Variants in NFX1 observed in about 807,000 individuals in gnomAD.
The protein encoded by NFX1 is transcriptional repressor NF-X1.
Under a neutral mutation model 137.2 loss-of-function variants are expected in NFX1, and 69 were observed. That is an observed-to-expected ratio of 0.50 (90% CI 0.41 to 0.61). NFX1 has a LOEUF of 0.61. Among genes scored for constraint, NFX1 ranks in the 20% least tolerant of loss-of-function variants. The probability of loss-of-function intolerance (pLI) is 0.00; values close to 1 mark genes in which losing one functional copy is unlikely to be tolerated. For synonymous variants in NFX1, 495 were observed against 474.1 expected, an observed-to-expected ratio of 1.04 and a Z score of -0.57; for missense variants, 1,167 against 1,391.0, an observed-to-expected ratio of 0.84 and a Z score of 2.56.
intron 7 of NFX1, among the ~76,000 whole-genome samples, chr9:33,317,973 CAA>C (rs5897542): frequency 2.3e-5 from 1 of 44,382 alleles, no homozygotes; most frequent in Non-Finnish European, 3.5e-5. Flanking sequence ...GACTCTGTCT[CAA>C]AAAAAAAAAA....
intron 12 of NFX1, 97 bp downstream of exon 12, chr9:33,338,686 G>A (rs957708103): frequency 9.3e-7 from 1 of 1,078,224 alleles, no homozygotes; most frequent in African/African-American, 1.6e-5. Context: ...GGATTTAAAA[G>A]TCACTGGGAC....
rs201191593 is a variant in NFX1 at position 33,313,665 on chromosome 9, G to T, written c.1460G>T (p.Arg487Leu). The T allele has an allele frequency of 6.2e-6, 10 of 1,613,878 alleles. No homozygotes were observed. Among genetic ancestry groups the T allele is most frequent in the East Asian group, 4.5e-5 (2 of 44,882 alleles). ...TATTGTCTTTACAGGCACACAGTTC[G>T]CTGTGGTCAGGCTGTCTCAGTCCAC... ...CECGRTRHTVRCGQAVSVHCS... is the reference protein window; with the variant it reads ...CECGRTRHTVLCGQAVSVHCS... Residue 487 changes from arginine to leucine, a missense_variant, in exon 7 of 24, where the codon CGC becomes CTC. Arg to Leu is a moderately radical substitution (Grantham distance 102, BLOSUM62 -2). Transcript: ENST00000379540.
At chr9:33,308,042 C>CA (rs1409726593) in intron 5 of NFX1, among the ~76,000 whole-genome samples, 2 of 152,148 alleles carry the variant, frequency 1.3e-5, no homozygotes, top group East Asian at 3.9e-4. Flanking sequence ...TGGGCTCAAG[C>CA]AATCTGCTCT....
chr9:33,319,527 G>A (rs1822303656), intron 9 of NFX1, among the ~76,000 whole-genome samples: 3 of 152,024 alleles, frequency 2.0e-5, no homozygotes, highest in African/African-American at 7.2e-5. Context: ...AGTCTGGTTT[G>A]GAGACAGAGT....
At chr9:33,353,968 G>A (rs1823730633) in intron 17 of NFX1, 118 bp from the exon 18 acceptor site, 2 of 877,382 alleles carry the variant, frequency 2.3e-6, no homozygotes, top group East Asian at 2.9e-5. Flanking sequence ...GGGCTTACAG[G>A]CGTGAGCCAC....
At chr9:33,335,522 C>T (rs988270006) in intron 11 of NFX1, among the ~76,000 whole-genome samples, 11 of 152,058 alleles carry the variant, frequency 7.2e-5, no homozygotes, top group African/African-American at 2.4e-4. Flanking sequence ...CATGAGCCAC[C>T]GTGCCCAACC....
At chr9:33,338,786 TAAG>T (rs1823108588) in intron 12 of NFX1, among the ~76,000 whole-genome samples, 197 bp downstream of exon 12, 1 of 152,152 alleles carries the variant, frequency 6.6e-6, no homozygotes, top group Admixed American at 6.5e-5. Context: ...TCACCCAGGT[TAAG>T]AAGTCAGCCA....
At chr9:33,307,903 A>G (rs1821816439) in intron 5 of NFX1, among the ~76,000 whole-genome samples, 1 of 149,128 alleles carries the variant, frequency 6.7e-6, no homozygotes, top group South Asian at 2.1e-4. Flanking sequence ...TCTTGTGCTC[A>G]AGCCATCCTC....
intron 7 of NFX1, among the ~76,000 whole-genome samples, chr9:33,314,089 T>G (rs1822064143): frequency 6.6e-6 from 1 of 152,010 alleles, no homozygotes; most frequent in Admixed American, 6.6e-5. Context: ...GTTCAAGCAA[T>G]TCTCCTGTCT....
intron 21 of NFX1, chr9:33,365,897 T>TC (rs1188341557): frequency 6.6e-6 from 1 of 152,236 alleles, no homozygotes; most frequent in Admixed American, 6.5e-5. Context: ...GAGACCCCTG[T>TC]CCTGGAGGCG....
At chr9:33,314,870 T>C (rs1822097776) in intron 7 of NFX1, among the ~76,000 whole-genome samples, 1 of 152,154 alleles carries the variant, frequency 6.6e-6, no homozygotes, top group South Asian at 2.1e-4. Context: ...CCAAAAGATA[T>C]CCGAAACCAA....
intron 10 of NFX1, among the ~76,000 whole-genome samples, chr9:33,329,553 A>G (rs937297794): frequency 2.0e-5 from 3 of 152,226 alleles, no homozygotes; most frequent in African/African-American, 7.2e-5. Flanking sequence ...CACAAAGGCC[A>G]GACTCTCTTT....
At position 33,307,367 on chromosome 9, in the gene NFX1, A is replaced by C; in HGVS notation, c.1376+68A>C. The stretch of plus-strand genomic sequence containing the variant: ...GCTTTGCTGGTGGCTCTAAGTAAAC[A>C]TACCTGGTTAGCATGTAATGGTTTG... On this transcript the variant is annotated intron_variant, in intron 5 of 23. Coordinates refer to ENST00000379540, the MANE Select transcript of NFX1 (RefSeq NM_002504.6). 3.1e-6 allele frequency: 4 copies of C among 1,307,466 alleles called. No homozygotes were observed. In the South Asian group the frequency reaches 4.8e-5, roughly 16 times the overall value. 81.0% of individuals were successfully genotyped at this position (1,307,466 alleles called of 1,614,324 possible). A position where few individuals can be genotyped will look rare whatever the true frequency, so the allele number is the denominator to read the frequency against.
chr9:33,335,844 TTTA>T (rs1822983616), intron 11 of NFX1, among the ~76,000 whole-genome samples: 1 of 152,252 alleles, frequency 6.6e-6, no homozygotes, highest in South Asian at 2.1e-4. Context: ...GTTTTCTAAG[TTTA>T]TCATACTGTA....
At chr9:33,327,513 C>T (rs898855302) in intron 9 of NFX1, among the ~76,000 whole-genome samples, 3 of 152,096 alleles carry the variant, frequency 2.0e-5, no homozygotes, top group Admixed American at 1.3e-4. Flanking sequence ...TACAGGTGGG[C>T]GCCACCACGC....
intron 6 of NFX1, among the ~76,000 whole-genome samples, chr9:33,313,179 G>T (rs1055422498): frequency 6.6e-6 from 1 of 152,054 alleles, no homozygotes; most frequent in South Asian, 2.1e-4. Context: ...CTGCTTCATG[G>T]AACTCAGAGA....
intron 12 of NFX1, among the ~76,000 whole-genome samples, chr9:33,341,195 G>T (rs150967666): frequency 4.4e-4 from 67 of 152,298 alleles, no homozygotes; most frequent in African/African-American, 1.5e-3. Flanking sequence ...GTTCCAAGTG[G>T]CTGGGGAGGC....
rs574720492 is a variant in NFX1, at chr9:33,325,654, ACT to A, written c.1907-2924_1907-2923del. 6.3e-3 allele frequency among the ~76,000 whole-genome samples: 962 copies of A among 152,126 alleles called. 9 individuals are homozygous for A. The highest frequency in any genetic ancestry group is 0.022 in the African/African-American group (928 of 41,498). ...ACTCCAGCCTGGGCAACAGAGAGAG[ACT>A]CTGTCTCAAAAAAAGAAAAAGAAAA... is the stretch of plus-strand genomic sequence containing the variant. On this transcript the variant is annotated intron_variant, in intron 9 of 23. Transcript: ENST00000379540.
chr9:33,325,380 C>G (rs1000419676), intron 9 of NFX1, among the ~76,000 whole-genome samples: 3 of 150,838 alleles, frequency 2.0e-5, no homozygotes, highest in Non-Finnish European at 4.4e-5. Context: ...AAACTGGCAA[C>G]TGGCCGGGCG....
Sources: allele counts gnomAD v4.1 joint callset (sites outside exome capture counted in the v4.1 genomes callset), GRCh38; gene constraint gnomAD v4.1.1; transcripts MANE v1.5; gene names NCBI Gene and HGNC (gene_info 2026-07-23, HGNC 2026-07-21).